EML5: variants seen among roughly 807,000 people sequenced by gnomAD.
The protein encoded by EML5 is echinoderm microtubule-associated protein-like 5.
Under a neutral mutation model 250.0 loss-of-function variants are expected in EML5, and 120 were observed. The observed-to-expected ratio is 0.48, with a 90% CI of 0.41 to 0.56. The LOEUF (loss-of-function observed/expected upper bound fraction) is 0.56. Among genes scored for constraint, EML5 ranks in the 20% least tolerant of loss-of-function variants. The probability of loss-of-function intolerance (pLI) is 0.00; values close to 1 mark genes in which losing one functional copy is unlikely to be tolerated. For missense variants in EML5, 2,006 were observed against 2,437.6 expected, an observed-to-expected ratio of 0.82 and a Z score of 3.73; for synonymous variants, 771 against 806.5, an observed-to-expected ratio of 0.96 and a Z score of 0.75.
In EML5 at chr14:88,792,709, T is replaced by C. The variant is rs2094623085; in HGVS notation, c.-206A>G. ...AGGAAAACCCTCGCCTCGCGGAACA[T>C]GCTGAGGGCCGCGAGCGCCGCCGGC... On this transcript the variant is annotated 5_prime_UTR_variant, in exon 1 of 44. It removes an upstream start codon present in the reference 5' UTR. Transcript: ENST00000554922. The surrounding 1 kb of genome is among the most constrained non-coding windows in gnomAD (Gnocchi z 6.9). The C allele has an allele frequency of 4.5e-6, 5 of 1,108,314 alleles. No individual in the cohort carries two copies. The highest frequency in any genetic ancestry group is 5.5e-6 in the Non-Finnish European group (5 of 910,174). 68.7% of individuals were successfully genotyped at this position (1,108,314 alleles called of 1,614,324 possible).
chr14:88,785,008 G>A (rs965780661), intron 1 of EML5, among the ~76,000 whole-genome samples: 10 of 152,192 alleles, frequency 6.6e-5, no homozygotes, highest in Admixed American at 2.6e-4. Flanking sequence ...GTACTAGTCA[G>A]CCATAAAAAA....
intron 8 of EML5, among the ~76,000 whole-genome samples, chr14:88,723,300 T>C (rs1459663092): frequency 6.6e-6 from 1 of 152,156 alleles, no homozygotes; most frequent in East Asian, 1.9e-4. Flanking sequence ...TGTCATTTGC[T>C]ACCACACGGA....
At chr14:88,738,590 T>C (rs962104035) in intron 6 of EML5, among the ~76,000 whole-genome samples, 1 of 152,150 alleles carries the variant, frequency 6.6e-6, no homozygotes, top group African/African-American at 2.4e-5. Flanking sequence ...TAAAATACTT[T>C]CAAAATCCAA....
intron 21 of EML5, among the ~76,000 whole-genome samples, chr14:88,675,484 C>A (rs1279740184): frequency 6.6e-6 from 1 of 152,218 alleles, no homozygotes; most frequent in Non-Finnish European, 1.5e-5. Context: ...ATGCAGGGTA[C>A]CAAGTCCCTA....
At chr14:88,756,763 T>C (rs1019720277) in intron 1 of EML5, among the ~76,000 whole-genome samples, 4 of 152,030 alleles carry the variant, frequency 2.6e-5, no homozygotes, top group Non-Finnish European at 4.4e-5. Context: ...CATTTAGGAA[T>C]AAATTAAACA....
intron 37 of EML5, chr14:88,621,992 T>C: frequency 2.5e-6 from 1 of 408,066 alleles, no homozygotes. Flanking sequence ...TCTGGCTGTG[T>C]AAACTTGTAT....
chr14:88,647,687 C>CAAAAAAAAAAAAAAAAAAAAAAAAAA (rs34191990), intron 28 of EML5, among the ~76,000 whole-genome samples: 3 of 48,752 alleles, frequency 6.2e-5, no homozygotes, highest in African/African-American at 2.2e-4. Flanking sequence ...GAGACCGTCT[C>CAAAAAAAAAAAAAAAAAAAAAAAAAA]AAAAAAAAAA....
chr14:88,693,341 T>C (rs2093001813), intron 17 of EML5, among the ~76,000 whole-genome samples: 1 of 152,350 alleles, frequency 6.6e-6, no homozygotes, highest in African/African-American at 2.4e-5. Context: ...CTCACAATCA[T>C]GGCTGAAGGT....
chr14:88,688,676 A>C (rs1192869192), intron 17 of EML5, among the ~76,000 whole-genome samples: 1 of 152,234 alleles, frequency 6.6e-6, no homozygotes, highest in Non-Finnish European at 1.5e-5. Flanking sequence ...TTTTTAGATA[A>C]ACAAAGACCT....
At chr14:88,698,391 C>G (rs28503450) in intron 14 of EML5, among the ~76,000 whole-genome samples, 3,533 of 151,696 alleles carry the variant, frequency 0.023, 136 homozygotes, top group African/African-American at 0.082. Flanking sequence ...CTCAACTTCC[C>G]AAGTAGCTGG....
chr14:88,770,904 T>A (rs1443176563), intron 1 of EML5, among the ~76,000 whole-genome samples: 2 of 152,230 alleles, frequency 1.3e-5, no homozygotes, highest in Non-Finnish European at 2.9e-5. Flanking sequence ...CAGATTTTTT[T>A]AAAGTTCTTC....
Position 88,618,785 on chromosome 14 carries a change from T to G in EML5, c.5403A>C (p.Ala1801=). The stretch of plus-strand genomic sequence containing the variant: ...CCACTGAGTTCTCACTAGAACCTAC[T>G]GCCAGATACCGGGAATCCGGACTAA... ...IRFSPDSRYL[A]VGSSENSVDF... is the part of the protein sequence containing the mutation. Residue 1801 remains alanine (A), a synonymous_variant, in exon 40 of 44, where the codon GCA becomes GCC. Transcript: ENST00000554922. 5 of 1,595,994 alleles carry G rather than the reference T, an allele frequency of 3.1e-6. No individual in the cohort carries two copies. The South Asian group carries it at 5.7e-5, about 18-fold the overall frequency.
At chr14:88,656,949 C>T (rs2091894183) in intron 27 of EML5, among the ~76,000 whole-genome samples, 1 of 152,118 alleles carries the variant, frequency 6.6e-6, no homozygotes, top group South Asian at 2.1e-4. Context: ...ATCCCTAAAC[C>T]AATAGTGTTA....
intron 14 of EML5, among the ~76,000 whole-genome samples, chr14:88,701,186 T>C (rs12888933): frequency 0.4 from 61,081 of 151,952 alleles, 14,777 homozygotes; most frequent in African/African-American, 0.66. Flanking sequence ...GACATCTGGG[T>C]ACTGTCTGGA....
chr14:88,680,368 T>C (rs2092691396), intron 21 of EML5, among the ~76,000 whole-genome samples: 1 of 152,120 alleles, frequency 6.6e-6, no homozygotes, highest in Non-Finnish European at 1.5e-5. Flanking sequence ...AAAGACTTTA[T>C]GAAACAAGCT....
intron 2 of EML5, among the ~76,000 whole-genome samples, chr14:88,750,255 C>T (rs2094072453): frequency 6.6e-6 from 1 of 152,158 alleles, no homozygotes; most frequent in Non-Finnish European, 1.5e-5. Flanking sequence ...CTGTACCTTA[C>T]TTTCTTCACC....
chr14:88,621,363 AT>A, intron 37 of EML5, 62 bp from the exon 38 acceptor site: 2 of 1,593,762 alleles, frequency 1.3e-6, no homozygotes, highest in Non-Finnish European at 1.7e-6. Context: ...CTTCTTCATA[AT>A]ATAAAAATGA....
intron 32 of EML5, among the ~76,000 whole-genome samples, chr14:88,636,530 G>A (rs866907664): frequency 3.9e-5 from 6 of 152,108 alleles, no homozygotes; most frequent in Non-Finnish European, 5.9e-5. Context: ...GCATGGTGGC[G>A]TGCACCTGTA....
chr14:88,766,720 C>T (rs1250334106), intron 1 of EML5, among the ~76,000 whole-genome samples: 1 of 152,156 alleles, frequency 6.6e-6, no homozygotes, highest in East Asian at 1.9e-4. Flanking sequence ...ACTCCCTCCC[C>T]TTTTGAAAAT....
Sources: gnomAD v4.1 joint callset for allele counts (sites outside exome capture counted in the v4.1 genomes callset) on GRCh38, gnomAD v4.1.1 for gene constraint, Gnocchi (gnomAD v3.1) non-coding constraint, MANE v1.5 for transcripts, NCBI Gene and HGNC (gene_info 2026-07-23, HGNC 2026-07-21) for gene names.